IPO8: variants seen among roughly 807,000 people sequenced by gnomAD.
IPO8 encodes the protein importin 8.
IPO8 carries 65 observed loss-of-function variants against 141.2 expected under a neutral mutation model. The ratio of observed to expected loss-of-function variants is 0.46; its 90% CI spans 0.38 to 0.57. The LOEUF is 0.57. Among genes scored for constraint, IPO8 ranks in the 20% least tolerant of loss-of-function variants. The pLI is 0.00. For missense variants in IPO8, 980 were observed against 1,246.8 expected, an observed-to-expected ratio of 0.79 and a Z score of 3.22; for synonymous variants, 411 against 420.3, an observed-to-expected ratio of 0.98 and a Z score of 0.27.
rs756464268 is a variant in IPO8 at position 30,667,785 on chromosome 12, TATC to T, written c.1144+1395_1144+1397del. Among the ~76,000 whole-genome samples, 16 of 152,344 alleles carry T rather than the reference TATC, an allele frequency of 1.1e-4. No individual in the cohort carries two copies. In the East Asian group the frequency reaches 2.5e-3, roughly 24 times the overall value. ...AAAACTAGGGTATGTATACCTATCT[TATC>T]AGATATGAAGAATATATAAATAATG... On this transcript the variant is annotated intron_variant, in intron 10 of 24. Transcript: ENST00000256079.
chr12:30,639,829 C>T lies in IPO8; in HGVS notation c.2269-94G>A. On this transcript the variant is annotated intron_variant, in intron 20 of 24. Coordinates refer to ENST00000256079, the MANE Select transcript of IPO8 (RefSeq NM_006390.4). ...GGCAGAGCATTCTCAATAAATAAGA[C>T]AGTCTTAATGGCAATGAGACTTTTG... The T allele has an allele frequency of 1.1e-5, 9 of 827,720 alleles. No individual in the cohort carries two copies. The South Asian group carries it at 1.2e-4, about 11-fold the overall frequency. 51.3% of individuals were successfully genotyped at this position (827,720 alleles called of 1,614,324 possible).
At chr12:30,671,178 A>G (rs563565816) in intron 8 of IPO8, 82 bp from the exon 9 acceptor site, 1 of 828,356 alleles carries the variant, frequency 1.2e-6, no homozygotes, top group Admixed American at 2.2e-5. Context: ...CATGACCTAA[A>G]ATTCAGAATC....
At chr12:30,686,726 G>GA (rs1348622980) in intron 2 of IPO8, 1 of 151,978 alleles carries the variant, frequency 6.6e-6, no homozygotes, top group Non-Finnish European at 1.5e-5. Context: ...AACTAGTCTT[G>GA]AAAACAAAGA....
intron 15 of IPO8, among the ~76,000 whole-genome samples, chr12:30,661,718 A>G (rs1399205316): frequency 6.6e-6 from 1 of 152,094 alleles, no homozygotes; most frequent in Non-Finnish European, 1.5e-5. Context: ...AAACAGAAAA[A>G]AAAATAGTAA....
intron 10 of IPO8, among the ~76,000 whole-genome samples, chr12:30,667,081 T>C (rs2052977512): frequency 6.6e-6 from 1 of 152,182 alleles, no homozygotes; most frequent in Non-Finnish European, 1.5e-5. Flanking sequence ...ATACAAAAGA[T>C]AAAACCAAAT....
Position 30,630,777 on chromosome 12 carries a change from C to T in IPO8, c.*83G>A. 1 of 1,113,222 alleles carries T rather than the reference C, an allele frequency of 9.0e-7. No individual in the cohort carries two copies. Among genetic ancestry groups the T allele is most frequent in the South Asian group, 1.4e-5 (1 of 73,192 alleles). The allele number at this position is 1,113,222 out of a possible 1,614,324, so 69.0% of individuals were successfully genotyped here. ...CAGCAGGAGGGCCCTAAAAGCAGCC[C>T]CTCATTTCATCCCCTTGACCCTCAC... On this transcript the variant is annotated 3_prime_UTR_variant, in exon 25 of 25. Coordinates refer to ENST00000256079, the MANE Select transcript of IPO8 (RefSeq NM_006390.4).
chr12:30,669,329 T>C (rs767558821), intron 9 of IPO8, 47 bp from the exon 10 acceptor site: 1 of 929,606 alleles, frequency 1.1e-6, no homozygotes, highest in Admixed American at 2.1e-5. Context: ...TATAGGCTAT[T>C]CAAGTTTGAG....
chr12:30,693,473 C>T (rs2053309882), intron 1 of IPO8, among the ~76,000 whole-genome samples: 1 of 152,208 alleles, frequency 6.6e-6, no homozygotes, highest in African/African-American at 2.4e-5. Context: ...CAGTATACCG[C>T]AGAAGCTGCT....
chr12:30,631,607 C>T (rs894115247), intron 24 of IPO8: 9 of 237,918 alleles, frequency 3.8e-5, no homozygotes, highest in Admixed American at 1.0e-4. Flanking sequence ...AAGTCTCCCT[C>T]GGCAAGACTT....
intron 17 of IPO8, among the ~76,000 whole-genome samples, chr12:30,656,248 G>A (rs1299161015): frequency 6.6e-6 from 1 of 151,996 alleles, no homozygotes; most frequent in African/African-American, 2.4e-5. Flanking sequence ...ATGTTGCACT[G>A]GCTGGTCTTG....
At position 30,695,812 on chromosome 12, in the gene IPO8, C is replaced by T. The variant is rs2053334905; in HGVS notation, c.-165G>A. The T allele has an allele frequency of 1.2e-5, 7 of 575,254 alleles. No homozygotes were observed. Among genetic ancestry groups the T allele is most frequent in the Admixed American group, 9.2e-5 (3 of 32,472 alleles). 35.6% of individuals were successfully genotyped at this position (575,254 alleles called of 1,614,324 possible). On this transcript the variant is annotated 5_prime_UTR_variant, in exon 1 of 25. Coordinates refer to ENST00000256079, the MANE Select transcript of IPO8 (RefSeq NM_006390.4). The surrounding 1 kb of genome is among the most constrained non-coding windows in gnomAD (Gnocchi z 4.2). ...GCCACTTGCTGCGCCACTCTGACTC[C>T]GCGCCCCCTGTCCTCCCTTTTTCCC...
At chr12:30,688,924 T>C (rs2053266788) in intron 2 of IPO8, among the ~76,000 whole-genome samples, 1 of 152,098 alleles carries the variant, frequency 6.6e-6, no homozygotes, top group Non-Finnish European at 1.5e-5. Context: ...CATTTAGCAT[T>C]GCTTCTATCA....
intron 17 of IPO8, among the ~76,000 whole-genome samples, chr12:30,654,460 T>A (rs1418504337): frequency 6.6e-6 from 1 of 151,786 alleles, no homozygotes; most frequent in East Asian, 1.9e-4. Flanking sequence ...GAGAAAATAT[T>A]TATAATCTAT....
chr12:30,656,216 T>C (rs539104066), intron 17 of IPO8, among the ~76,000 whole-genome samples: 4 of 152,262 alleles, frequency 2.6e-5, no homozygotes, highest in African/African-American at 9.6e-5. Flanking sequence ...TTTTTTATTT[T>C]TTGTAGAGAC....
chr12:30,685,162 C>T (rs1402709575), intron 2 of IPO8, among the ~76,000 whole-genome samples: 4 of 146,558 alleles, frequency 2.7e-5, no homozygotes, highest in East Asian at 4.0e-4. Flanking sequence ...TTTTTTGAGA[C>T]GGAATCTTTC....
intron 20 of IPO8, among the ~76,000 whole-genome samples, chr12:30,642,334 C>T (rs527746696): frequency 7.2e-5 from 11 of 151,904 alleles, no homozygotes; most frequent in Admixed American, 2.0e-4. Flanking sequence ...TGTTGGGTAC[C>T]GTGTTCACTA....
rs1202369779 is a variant in IPO8, at chr12:30,695,013, A to T, written c.84+551T>A. ...CTTAGATAAAGCAGTATCACCATGA[A>T]AACTGCCTATTCTTCCCAGAGCACT... is the stretch of plus-strand genomic sequence containing the variant. On this transcript the variant is annotated intron_variant, in intron 1 of 24. Transcript: ENST00000256079. This position sits in a 1 kb window ranked among gnomAD's most constrained non-coding sequence, Gnocchi z 4.2. The T allele has an allele frequency of 6.6e-6, 3 of 456,114 alleles. No homozygotes were observed. Among genetic ancestry groups the T allele is most frequent in the Admixed American group, 4.7e-5 (2 of 42,580 alleles). 28.3% of individuals were successfully genotyped at this position (456,114 alleles called of 1,614,324 possible). A position where few individuals can be genotyped will look rare whatever the true frequency, so the allele number is the denominator to read the frequency against.
intron 20 of IPO8, among the ~76,000 whole-genome samples, chr12:30,643,283 T>C (rs2136131028): frequency 6.6e-6 from 1 of 152,290 alleles, no homozygotes; most frequent in East Asian, 1.9e-4. Context: ...CACTCTAGCC[T>C]GGTGAGTCAA....
intron 10 of IPO8, among the ~76,000 whole-genome samples, chr12:30,666,789 G>A (rs1272599863): frequency 1.3e-5 from 2 of 152,172 alleles, no homozygotes; most frequent in Admixed American, 6.5e-5. Context: ...CTCCAACTCT[G>A]TTAAGGTAAC....
Sources: allele counts gnomAD v4.1 joint callset (sites outside exome capture counted in the v4.1 genomes callset), GRCh38; gene constraint gnomAD v4.1.1; non-coding constraint Gnocchi (gnomAD v3.1); transcripts MANE v1.5; gene names NCBI Gene and HGNC (gene_info 2026-07-23, HGNC 2026-07-21).